The following GART variants were observed in gnomAD, a reference collection of about 807,000 sequenced individuals.
The protein encoded by GART is phosphoribosylglycinamide formyltransferase, phosphoribosylglycinamide synthetase, phosphoribosylaminoimidazole synthetase, also known as trifunctional purine biosynthetic protein adenosine-3.
A neutral mutation model predicts 107.2 loss-of-function variants in GART; 43 were observed. The observed-to-expected ratio is 0.40, with a 90% CI of 0.31 to 0.52. The LOEUF is 0.52. Among genes scored for constraint, GART ranks in the 20% least tolerant of loss-of-function variants. The probability of loss-of-function intolerance (pLI) is 0.52; values close to 1 mark genes in which losing one functional copy is unlikely to be tolerated. For synonymous variants in GART, 434 were observed against 427.0 expected (o/e 1.02, Z -0.20); for missense variants, 1,107 against 1,206.5 (o/e 0.92, Z 1.22).
At chr21:33,507,682 A>AT (rs2084706525) in intron 18 of GART, among the ~76,000 whole-genome samples, 1 of 152,132 alleles carries the variant, frequency 6.6e-6, no homozygotes. Flanking sequence ...AATACAAAAA[A>AT]TTAGCCAGGC....
chr21:33,513,613 T>G (rs1364131257), intron 16 of GART, among the ~76,000 whole-genome samples: 1 of 152,166 alleles, frequency 6.6e-6, no homozygotes, highest in East Asian at 1.9e-4. Flanking sequence ...CACATGTCTA[T>G]GACTCTTAGA....
At chr21:33,508,399 GGGACT>G (rs906592603) in intron 18 of GART, among the ~76,000 whole-genome samples, 35 of 152,080 alleles carry the variant, frequency 2.3e-4, no homozygotes, top group African/African-American at 7.2e-4. Context: ...TATAATGGTG[GGGACT>G]GGGCTTCTAG....
intron 16 of GART, among the ~76,000 whole-genome samples, chr21:33,512,443 T>C (rs2084802659): frequency 6.6e-6 from 1 of 152,052 alleles, no homozygotes; most frequent in African/African-American, 2.4e-5. Context: ...GAATCTACGA[T>C]TATGGGATCT....
In GART at chr21:33,524,666, A is replaced by G. The variant is rs2085035305; in HGVS notation, c.1298+103T>C. The G allele has an allele frequency of 5.9e-6, 9 of 1,526,252 alleles. No homozygotes were observed. The South Asian group carries it at 1.2e-4, about 20-fold the overall frequency. 94.5% of individuals were successfully genotyped at this position (1,526,252 alleles called of 1,614,324 possible). A position where few individuals can be genotyped will look rare whatever the true frequency, so the allele number is the denominator to read the frequency against. On this transcript the variant is annotated intron_variant, in intron 11 of 21. Coordinates refer to ENST00000381815, the MANE Select transcript of GART (RefSeq NM_000819.5). The stretch of plus-strand genomic sequence containing the variant: ...CCAAGACTGTATCACTCCCACAGAG[A>G]GAAAAGAATACTGAATGACTTATAG...
intron 17 of GART, among the ~76,000 whole-genome samples, chr21:33,510,620 A>G (rs975566041): frequency 1.3e-5 from 2 of 152,104 alleles, no homozygotes; most frequent in Non-Finnish European, 2.9e-5. Context: ...GTGAGCCACC[A>G]CGCCCGGCTG....
chr21:33,528,872 C>A lies in GART; in HGVS notation c.789G>T (p.Gln263His), dbSNP rs763048788. Residue 263 changes from glutamine to histidine, a missense_variant, in exon 8 of 22, where the codon CAG (glutamine) becomes CAT (histidine). Gln to His is a conservative substitution (Grantham distance 24). Coordinates refer to ENST00000381815, the MANE Select transcript of GART (RefSeq NM_000819.5). ...TACCTGTATATGGAGTACCCTCTTG[C>A]TGCATGCCATCCACTGTCCTCTGAA... ...TVLQRTVDGM[Q>H]QEGTPYTGIL... 1.9e-6 allele frequency: 3 copies of A among 1,612,908 alleles called. No individual in the cohort carries two copies. The highest frequency in any genetic ancestry group is 1.7e-6 in the Non-Finnish European group (2 of 1,179,102).
At chr21:33,525,045 A>G in intron 10 of GART, 45 bp from the exon 11 acceptor site, 1 of 1,570,460 alleles carries the variant, frequency 6.4e-7, no homozygotes, top group Non-Finnish European at 8.6e-7. Flanking sequence ...TAGCAACAGT[A>G]TTTCACACCG....
At position 33,504,205 on chromosome 21, in the gene GART, A is replaced by G. The variant is rs369973995; in HGVS notation, c.2952T>C (p.Phe984=). The G allele has an allele frequency of 8.9e-5, 143 of 1,614,096 alleles. No homozygotes were observed. The highest frequency in any genetic ancestry group is 1.2e-4 in the Non-Finnish European group (137 of 1,180,046). ...ERVKLAEHKI[F]PAALQLVASG... Reference sequence around the variant, plus strand: ...TGGCCACCAGCTGAAGGGCTGCAGGAAATATTTTATGTTCTGCTAATTTTA... The same window carrying G: ...TGGCCACCAGCTGAAGGGCTGCAGGGAATATTTTATGTTCTGCTAATTTTA... The change falls in exon 22 of 22, where the codon TTT becomes TTC. Residue 984 remains phenylalanine, a synonymous_variant. Transcript: ENST00000381815.
rs1484699059 is a variant in GART at position 33,517,683 on chromosome 21, C to G, written c.1703-75G>C. ...CTAGGAAACAGTGGCACAGGCTACT[C>G]TTAACATGAACAACTAACACATGGC... On this transcript the variant is annotated intron_variant, in intron 14 of 21. Coordinates refer to ENST00000381815, the MANE Select transcript of GART (RefSeq NM_000819.5). 6.8e-6 allele frequency: 10 copies of G among 1,463,826 alleles called. No individual in the cohort carries two copies. In the East Asian group the frequency reaches 9.1e-5, roughly 13 times the overall value. The allele number at this position is 1,463,826 out of a possible 1,614,324, so 90.7% of individuals were successfully genotyped here.
intron 18 of GART, 99 bp from the exon 19 acceptor site, chr21:33,506,203 C>CCA (rs2084678979): frequency 7.4e-7 from 1 of 1,345,638 alleles, no homozygotes; most frequent in Admixed American, 2.3e-5. Flanking sequence ...GAGTGCAGTG[C>CCA]CACGATCTGG....
chr21:33,530,738 A>G (rs2085169653), intron 7 of GART, 21 bp downstream of exon 7: 5 of 1,413,898 alleles, frequency 3.5e-6, no homozygotes, highest in African/African-American at 1.5e-5. Context: ...ACAAGACTTC[A>G]GCAGAGTCTT....
rs144513048 is a variant in GART, at chr21:33,509,459, A to T, written c.2452+324T>A. On this transcript the variant is annotated intron_variant, in intron 18 of 21. Transcript: ENST00000381815. ...TAAAGGTTAAACATAAACTTCTTCT[A>T]ATTAATAAGATAACAATAAAAATTC... 569 of 206,600 alleles carry T rather than the reference A, an allele frequency of 2.8e-3. 1 individual carries two copies. Among genetic ancestry groups the T allele is most frequent in the African/African-American group, 7.6e-3 (328 of 43,428 alleles). 12.8% of individuals were successfully genotyped at this position (206,600 alleles called of 1,614,324 possible).
intron 10 of GART, among the ~76,000 whole-genome samples, chr21:33,526,014 T>C (rs2085067538): frequency 6.7e-6 from 1 of 148,358 alleles, no homozygotes. Flanking sequence ...GGACTACAGG[T>C]GCCCACCACC....
chr21:33,533,159 G>C (rs1222787303), intron 4 of GART, among the ~76,000 whole-genome samples: 1 of 152,180 alleles, frequency 6.6e-6, no homozygotes, highest in Non-Finnish European at 1.5e-5. Flanking sequence ...TGCAATAGTG[G>C]CCAGGCGCGG....
intron 11 of GART, among the ~76,000 whole-genome samples, 183 bp from the exon 12 acceptor site, chr21:33,522,465 T>C (rs2145718997): frequency 6.6e-6 from 1 of 152,344 alleles, no homozygotes; most frequent in Middle Eastern, 3.4e-3. Flanking sequence ...TAGGGCAGGC[T>C]CTGGGAATTG....
chr21:33,520,285 G>T, intron 14 of GART, 79 bp downstream of exon 14: 2 of 1,202,760 alleles, frequency 1.7e-6, no homozygotes, highest in Non-Finnish European at 2.5e-6. Flanking sequence ...TAGCTACATT[G>T]GCACTGATCA....
chr21:33,534,480 G>C, intron 4 of GART, 99 bp downstream of exon 4: 1 of 1,309,776 alleles, frequency 7.6e-7, no homozygotes, highest in Non-Finnish European at 1.1e-6. Context: ...GCCTCCCAAA[G>C]TGCTGGGATT....
chr21:33,531,840 T>G (rs549090621), intron 5 of GART: 1 of 371,598 alleles, frequency 2.7e-6, no homozygotes, highest in Non-Finnish European at 4.8e-6. Flanking sequence ...GAAAAACAGA[T>G]GTTTTCATTA....
Position 33,534,618 on chromosome 21 carries a change from G to A in GART, c.377C>T (p.Ala126Val). The A allele has an allele frequency of 6.2e-7, 1 of 1,614,150 alleles. No individual in the cohort carries two copies. Among genetic ancestry groups the A allele is most frequent in the Non-Finnish European group, 8.5e-7 (1 of 1,180,024 alleles). ...GCAGGCTTCTTCAGGTTTGGTGAAA[G>A]CCTTCCATTGTGCGGTTGGGATTCC... ...RHGIPTAQWK[A>V]FTKPEEACSF... Residue 126 changes from alanine (A) to valine (V), a missense_variant, in exon 4 of 22, where the codon GCT (alanine) becomes GTT (valine). Transcript: ENST00000381815.
Sources: allele counts gnomAD v4.1 joint callset (sites outside exome capture counted in the v4.1 genomes callset), GRCh38; gene constraint gnomAD v4.1.1; transcripts MANE v1.5; gene names NCBI Gene and HGNC (gene_info 2026-07-23, HGNC 2026-07-21).